Variants in CPEB2 observed in about 807,000 individuals in gnomAD.
CPEB2 encodes cytoplasmic polyadenylation element binding protein 2, also known as cytoplasmic polyadenylation element-binding protein 2.
CPEB2 carries 56 observed loss-of-function variants against 93.6 expected under a neutral mutation model. The ratio of observed to expected loss-of-function variants is 0.60; its 90% CI spans 0.48 to 0.75. The LOEUF is 0.75. CPEB2 is among the 30% of genes least tolerant of loss of function. The pLI is 0.00. For synonymous variants in CPEB2, 764 were observed against 586.3 expected, an observed-to-expected ratio of 1.30 and a Z score of -4.38; for missense variants, 1,579 against 1,395.1, an observed-to-expected ratio of 1.13 and a Z score of -2.10.
intron 1 of CPEB2, among the ~76,000 whole-genome samples, chr4:15,006,107 T>A (rs945161249): frequency 2.0e-5 from 3 of 152,212 alleles, no homozygotes; most frequent in African/African-American, 7.2e-5. Flanking sequence ...TTAAATCATT[T>A]AATAAGGAGA....
intron 2 of CPEB2, 144 bp downstream of exon 2, chr4:15,007,730 T>G (rs1255975038): frequency 2.1e-6 from 1 of 486,814 alleles, no homozygotes; most frequent in African/African-American, 2.0e-5. Flanking sequence ...TTAACAAAGG[T>G]TAAAATATCT....
chr4:15,004,377 A>G, intron 1 of CPEB2, 42 bp downstream of exon 1: 1 of 1,366,106 alleles, frequency 7.3e-7, no homozygotes, highest in Non-Finnish European at 9.5e-7. Flanking sequence ...GGACCGGGAG[A>G]CCATGGGCGG....
At position 15,003,327 on chromosome 4, in the gene CPEB2, C is replaced by T. The variant is rs948155267; in HGVS notation, c.654C>T (p.Leu218=). The change falls in exon 1 of 12, where the codon CTC becomes CTT. Residue 218 remains leucine, a synonymous_variant. Coordinates refer to ENST00000538197, the MANE Select transcript of CPEB2 (RefSeq NM_001177382.2). ...FSPPPPPAGP[L]LQPAQLAQRQ... Reference sequence around the variant, plus strand: ...CGCCGCCGCCGCCAGCCGGCCCGCTCCTCCAGCCGGCGCAGCTCGCTCAGC... The same window carrying T: ...CGCCGCCGCCGCCAGCCGGCCCGCTTCTCCAGCCGGCGCAGCTCGCTCAGC... 12 of 1,411,384 alleles carry T rather than the reference C, an allele frequency of 8.5e-6. No individual in the cohort carries two copies. Among genetic ancestry groups the T allele is most frequent in the Non-Finnish European group, 1.1e-5 (12 of 1,096,836 alleles). The allele number at this position is 1,411,384 out of a possible 1,614,324, so 87.4% of individuals were successfully genotyped here.
At position 15,002,965 on chromosome 4, in the gene CPEB2, C is replaced by T. The variant is rs1260538535; in HGVS notation, c.292C>T (p.Leu98Phe). ...AHQQTMQDELLLGLTQQPARP... is the reference protein window; with the variant it reads ...AHQQTMQDELFLGLTQQPARP... ...TCAGCAGACCATGCAGGATGAGCTG[C>T]TTCTGGGGCTGACACAGCAGCCGGC... Residue 98 changes from leucine (L) to phenylalanine (F), a missense_variant, in exon 1 of 12, where the codon CTT becomes TTT. Leu to Phe is a conservative substitution (Grantham distance 22). Transcript: ENST00000538197. 5 of 1,511,406 alleles carry T rather than the reference C, an allele frequency of 3.3e-6. No homozygotes were observed. The highest frequency in any genetic ancestry group is 2.4e-5 in the Admixed American group (1 of 42,546). 93.6% of individuals were successfully genotyped at this position (1,511,406 alleles called of 1,614,324 possible).
In CPEB2 at chr4:15,066,288, A is replaced by G; in HGVS notation, c.3013A>G (p.Asn1005Asp). 1 of 1,613,532 alleles carries G rather than the reference A, an allele frequency of 6.2e-7. No individual in the cohort carries two copies. The highest frequency in any genetic ancestry group is 8.5e-7 in the Non-Finnish European group (1 of 1,179,682). ...LQYYCEFCWANIHSRAGREFH... is the reference protein window; with the variant it reads ...LQYYCEFCWADIHSRAGREFH... ...GTATTACTGTGAGTTTTGTTGGGCA[A>G]ATATCCACTCTCGTGCTGGACGTGA... The change falls in exon 12 of 12, where the codon AAT (asparagine) becomes GAT (aspartate). Residue 1005 changes from asparagine (N) to aspartate (D), a missense_variant. This residue lies in a region of CPEB2 where 168 missense variants were observed against 339.1 expected (regional missense o/e 0.50). Transcript: ENST00000538197.
chr4:15,043,774 T>TAA (rs901580932), intron 6 of CPEB2, among the ~76,000 whole-genome samples: 4 of 152,156 alleles, frequency 2.6e-5, no homozygotes, highest in South Asian at 4.1e-4. Context: ...GCAATCCTTT[T>TAA]AAGCAAGGAA....
chr4:15,022,641 AAATTATTAACTTTT>A (rs1297025795), intron 4 of CPEB2, among the ~76,000 whole-genome samples: 3 of 152,058 alleles, frequency 2.0e-5, no homozygotes, highest in African/African-American at 7.2e-5. Flanking sequence ...ATAGGAAAAA[AAATTATTAACTTTT>A]GGAGTAAATT....
At chr4:15,035,002 T>G (rs551023924) in intron 5 of CPEB2, among the ~76,000 whole-genome samples, 1 of 152,282 alleles carries the variant, frequency 6.6e-6, no homozygotes, top group South Asian at 2.1e-4. Flanking sequence ...TACTAAGTAT[T>G]TATTAAATGT....
intron 5 of CPEB2, among the ~76,000 whole-genome samples, chr4:15,038,759 T>C (rs1726887883): frequency 6.6e-6 from 1 of 152,056 alleles, no homozygotes. Flanking sequence ...CGGCTAATTT[T>C]TGTATTTTTA....
In CPEB2 at chr4:15,067,009, C is replaced by T. The variant is rs900388197; in HGVS notation, c.*629C>T. The T allele has an allele frequency of 6.5e-6, 1 of 152,796 alleles. No individual in the cohort carries two copies. Among genetic ancestry groups the T allele is most frequent in the African/African-American group, 2.4e-5 (1 of 41,406 alleles). 9.5% of individuals were successfully genotyped at this position (152,796 alleles called of 1,614,324 possible). A position where few individuals can be genotyped will look rare whatever the true frequency, so the allele number is the denominator to read the frequency against. On this transcript the variant is annotated 3_prime_UTR_variant, in exon 12 of 12. Transcript: ENST00000538197. Reference sequence around the variant, plus strand: ...ATATAGGTGTTATGTGTAAATGCCACCTATTAATACGGGACTGAAAACGTT... The same window carrying T: ...ATATAGGTGTTATGTGTAAATGCCATCTATTAATACGGGACTGAAAACGTT...
Position 15,003,894 on chromosome 4 carries a change from G to A in CPEB2, c.1221G>A (p.Pro407=). The change falls in exon 1 of 12, where the codon CCG becomes CCA. Residue 407 remains proline, a synonymous_variant. Coordinates refer to ENST00000538197, the MANE Select transcript of CPEB2 (RefSeq NM_001177382.2). Reference sequence around the variant, plus strand: ...CGACCCAGCCGCAGCAGCAGCCGCCGCCACCCCAGCAGCCGCCCCAGCCGC... The same window carrying A: ...CGACCCAGCCGCAGCAGCAGCCGCCACCACCCCAGCAGCCGCCCCAGCCGC... The part of the protein sequence containing the change: ...PPPTQPQQQP[P]PPQQPPQPQP... 1 of 892,720 alleles carries A rather than the reference G, an allele frequency of 1.1e-6. No individual in the cohort carries two copies. Among genetic ancestry groups the A allele is most frequent in the Non-Finnish European group, 1.5e-6 (1 of 681,970 alleles). 55.3% of individuals were successfully genotyped at this position (892,720 alleles called of 1,614,324 possible).
chr4:15,062,080 G>A lies in CPEB2; in HGVS notation c.2697G>A (p.Val899=), dbSNP rs1176042033. 1 of 1,587,880 alleles carries A rather than the reference G, an allele frequency of 6.3e-7. No homozygotes were observed. The highest frequency in any genetic ancestry group is 8.6e-7 in the Non-Finnish European group (1 of 1,165,310). ...VGGVPRPLRA[V]ELAMIMDRLY... is the part of the protein sequence containing the mutation. ...TGTAAACTTCTTTTCCTTTTCAAGT[G>A]GAACTTGCTATGATCATGGACCGGC... The change falls in exon 11 of 12, where the codon GTG becomes GTA. Residue 899 remains valine, a splice_region_variant and synonymous_variant. Transcript: ENST00000538197.
chr4:15,063,368 CA>C (rs146698542), intron 11 of CPEB2, among the ~76,000 whole-genome samples: 35,275 of 137,200 alleles, frequency 0.26, 6,007 homozygotes, highest in African/African-American at 0.5. Flanking sequence ...AAAAGGTTGC[CA>C]AAAAAAAAAA....
intron 3 of CPEB2, among the ~76,000 whole-genome samples, chr4:15,012,669 TA>T: frequency 6.6e-6 from 1 of 152,228 alleles, no homozygotes; most frequent in Admixed American, 6.5e-5. Context: ...AATATCTACT[TA>T]AAATTAAGGA....
chr4:15,034,987 TC>T (rs954196388), intron 5 of CPEB2, among the ~76,000 whole-genome samples: 5 of 152,164 alleles, frequency 3.3e-5, no homozygotes, highest in African/African-American at 4.8e-5. Flanking sequence ...ATATTAGTGC[TC>T]CTGTACTAAG....
intron 4 of CPEB2, 91 bp from the exon 5 acceptor site, chr4:15,033,070 A>C (rs773876755): frequency 1.2e-6 from 1 of 825,604 alleles, no homozygotes; most frequent in Non-Finnish European, 2.0e-6. Flanking sequence ...TTTTCTCTTT[A>C]TGCTGCCTTT....
intron 3 of CPEB2, among the ~76,000 whole-genome samples, chr4:15,013,527 G>T (rs1392329134): frequency 6.6e-6 from 1 of 152,054 alleles, no homozygotes; most frequent in Non-Finnish European, 1.5e-5. Flanking sequence ...ACTGATGGCA[G>T]TTTGCATGAA....
rs149111645 is a variant in CPEB2 at position 15,020,715 on chromosome 4, G to A, written c.2125+3437G>A. Among the ~76,000 whole-genome samples, 5 of 152,298 alleles carry A rather than the reference G, an allele frequency of 3.3e-5. No individual in the cohort carries two copies. In the East Asian group the frequency reaches 9.7e-4, roughly 29 times the overall value. On this transcript the variant is annotated intron_variant, in intron 4 of 11. Transcript: ENST00000538197. ...GAATGTACTTTACTCAATTAAGTGTGTCTGTTTTTGCACAAGTTTCCTAGA... is the reference window on the plus strand; with the variant it reads ...GAATGTACTTTACTCAATTAAGTGTATCTGTTTTTGCACAAGTTTCCTAGA...
Position 15,030,547 on chromosome 4 carries a change from G to C in CPEB2, c.2126-2614G>C, listed in dbSNP as rs74418056. On this transcript the variant is annotated intron_variant, in intron 4 of 11. Transcript: ENST00000538197. The stretch of plus-strand genomic sequence containing the variant: ...TGCTGTTAGTTCTTACTATCAATTG[G>C]CAGGTTTTTAGCGAAAGTACTTTTA... Among the ~76,000 whole-genome samples the C allele has an allele frequency of 5.3e-5, 8 of 152,188 alleles. No individual in the cohort carries two copies. The East Asian group carries it at 1.5e-3, about 29-fold the overall frequency.
Sources: gnomAD v4.1 joint callset for allele counts (sites outside exome capture counted in the v4.1 genomes callset) on GRCh38, gnomAD v4.1.1 for gene constraint, gnomAD v4.1.1 regional missense constraint, MANE v1.5 for transcripts, NCBI Gene and HGNC (gene_info 2026-07-23, HGNC 2026-07-21) for gene names.